The following THSD7A variants were observed in gnomAD, a reference collection of about 807,000 sequenced individuals.
THSD7A encodes the protein thrombospondin type 1 domain containing 7A, also known as thrombospondin type-1 domain-containing protein 7A.
Under a neutral mutation model 231.3 loss-of-function variants are expected in THSD7A, and 96 were observed. The observed-to-expected ratio is 0.41, with a 90% CI of 0.35 to 0.49. THSD7A has a LOEUF of 0.49. Among genes scored for constraint, THSD7A ranks in the 20% least tolerant of loss-of-function variants. THSD7A has a pLI of 0.05. For missense variants in THSD7A, 2,290 were observed against 2,070.2 expected, an observed-to-expected ratio of 1.11 and a Z score of -2.06; for synonymous variants, 940 against 743.3, an observed-to-expected ratio of 1.26 and a Z score of -4.30.
In THSD7A at chr7:11,544,915, G is replaced by A. The variant is rs1264392105; in HGVS notation, c.1454-1798C>T. 2.0e-5 allele frequency among the ~76,000 whole-genome samples: 3 copies of A among 151,314 alleles called. No homozygotes were observed. The East Asian group carries it at 5.9e-4, about 30-fold the overall frequency. On this transcript the variant is annotated intron_variant, in intron 4 of 27. Transcript: ENST00000423059. The stretch of plus-strand genomic sequence containing the variant: ...GAGCATTCTCACTCGAGTTCAACAG[G>A]ATTGCTGTTTATGTGCATCACAACA...
At chr7:11,418,079 A>C (rs1430026372) in intron 16 of THSD7A, among the ~76,000 whole-genome samples, 5 of 152,216 alleles carry the variant, frequency 3.3e-5, no homozygotes, top group African/African-American at 1.2e-4. Flanking sequence ...ATGAGAGACC[A>C]GGCACACTGA....
intron 11 of THSD7A, among the ~76,000 whole-genome samples, chr7:11,447,851 A>G (rs1785023251): frequency 1.3e-5 from 2 of 152,116 alleles, no homozygotes; most frequent in Non-Finnish European, 2.9e-5. Context: ...ATATTGTTTT[A>G]TATCATTGGA....
chr7:11,676,656 A>G (rs1180674788), intron 1 of THSD7A, among the ~76,000 whole-genome samples: 1 of 152,166 alleles, frequency 6.6e-6, no homozygotes, highest in Non-Finnish European at 1.5e-5. Context: ...ATCAAGTGGA[A>G]GAAAGGATAT....
intron 1 of THSD7A, among the ~76,000 whole-genome samples, chr7:11,727,124 T>C (rs943058948): frequency 6.6e-6 from 1 of 151,998 alleles, no homozygotes; most frequent in African/African-American, 2.4e-5. Context: ...CCAGTGAAAA[T>C]GTAGGCTGTC....
chr7:11,809,707 G>A (rs1017098323), intron 1 of THSD7A, among the ~76,000 whole-genome samples: 2 of 152,068 alleles, frequency 1.3e-5, no homozygotes, highest in Non-Finnish European at 2.9e-5. Context: ...AGTAATTTTG[G>A]AACTAGCTTA....
At position 11,446,642 on chromosome 7, in the gene THSD7A, A is replaced by G. The variant is rs1212126714; in HGVS notation, c.2801-318T>C. Among the ~76,000 whole-genome samples, 1 of 152,070 alleles carries G rather than the reference A, an allele frequency of 6.6e-6. No homozygotes were observed. The highest frequency in any genetic ancestry group is 1.9e-4 in the East Asian group (1 of 5,170). ...GTGTTATATAGTTTCGACAGTCTTCATTACATAGGTGGTTCATTTTTTAAC... is the reference window on the plus strand; with the variant it reads ...GTGTTATATAGTTTCGACAGTCTTCGTTACATAGGTGGTTCATTTTTTAAC... On this transcript the variant is annotated intron_variant, in intron 12 of 27. Transcript: ENST00000423059. This position sits in a 1 kb window ranked among gnomAD's most constrained non-coding sequence, Gnocchi z 4.0.
chr7:11,466,057 T>C (rs1210917381), intron 9 of THSD7A, among the ~76,000 whole-genome samples: 1 of 152,172 alleles, frequency 6.6e-6, no homozygotes, highest in Admixed American at 6.6e-5. Context: ...ACAACTCTTT[T>C]AGTTCTTCCT....
At chr7:11,681,716 C>T (rs184531182) in intron 1 of THSD7A, among the ~76,000 whole-genome samples, 1 of 151,954 alleles carries the variant, frequency 6.6e-6, no homozygotes, top group African/African-American at 2.4e-5. Flanking sequence ...AAAAATTTCC[C>T]AACCTCACTA....
At chr7:11,769,147 A>ATTTTTTTTT (rs1562541356) in intron 1 of THSD7A, among the ~76,000 whole-genome samples, 1 of 35,654 alleles carries the variant, frequency 2.8e-5, no homozygotes, top group African/African-American at 8.6e-5. Context: ...ATATATATAT[A>ATTTTTTTTT]TATATATTTT....
intron 2 of THSD7A, among the ~76,000 whole-genome samples, chr7:11,602,167 T>C (rs1221083800): frequency 6.6e-6 from 1 of 152,164 alleles, no homozygotes; most frequent in Non-Finnish European, 1.5e-5. Flanking sequence ...AAACCAGATA[T>C]ATTTTTCTAA....
chr7:11,535,111 A>G (rs931374799), intron 6 of THSD7A, among the ~76,000 whole-genome samples: 38 of 152,198 alleles, frequency 2.5e-4, no homozygotes, highest in African/African-American at 9.2e-4. Context: ...TTGTATCACT[A>G]AGTGGTAAAT....
At chr7:11,671,229 C>T (rs1166939162) in intron 1 of THSD7A, among the ~76,000 whole-genome samples, 3 of 152,248 alleles carry the variant, frequency 2.0e-5, no homozygotes, top group African/African-American at 7.2e-5. Flanking sequence ...GAGATGGAAA[C>T]CTAATGGCCA....
intron 19 of THSD7A, among the ~76,000 whole-genome samples, chr7:11,409,927 A>AGAT (rs1237029280): frequency 6.6e-6 from 1 of 152,096 alleles, no homozygotes; most frequent in Non-Finnish European, 1.5e-5. Context: ...TTTTTAGTAG[A>AGAT]GATGGGGTTT....
intron 3 of THSD7A, among the ~76,000 whole-genome samples, chr7:11,591,195 G>T (rs1780151393): frequency 2.2e-5 from 3 of 139,376 alleles, no homozygotes; most frequent in Non-Finnish European, 4.5e-5. Flanking sequence ...CATTCCTAAT[G>T]AGTGCGGATG....
chr7:11,421,411 G>A (rs1265322235), intron 16 of THSD7A, among the ~76,000 whole-genome samples: 1 of 151,784 alleles, frequency 6.6e-6, no homozygotes, highest in African/African-American at 2.4e-5. Flanking sequence ...TGTCATGATT[G>A]TAAGTTTCCT....
In THSD7A at chr7:11,541,489, G is replaced by A. The variant is rs762975888; in HGVS notation, c.1752C>T (p.Cys584=). The change falls in exon 6 of 28, where the codon TGC becomes TGT. Residue 584 remains cysteine, a synonymous_variant. Coordinates refer to ENST00000423059, the MANE Select transcript of THSD7A (RefSeq NM_015204.3). ...YDWKAVRLGN[C]EPDNGKECGP... is the part of the protein sequence containing the mutation. ...CACACTCCTTTCCGTTATCTGGCTC[G>A]CAGTTTCCCAGTCTCACTGCTTTCC... The A allele has an allele frequency of 2.3e-5, 37 of 1,613,696 alleles. No homozygotes were observed. Among genetic ancestry groups the A allele is most frequent in the Non-Finnish European group, 3.1e-5 (36 of 1,179,852 alleles).
intron 1 of THSD7A, among the ~76,000 whole-genome samples, chr7:11,745,939 G>C (rs1782285087): frequency 6.6e-6 from 1 of 150,672 alleles, no homozygotes; most frequent in African/African-American, 2.4e-5. Flanking sequence ...CTCTTTTTTG[G>C]TTCCATATGA....
At position 11,397,548 on chromosome 7, in the gene THSD7A, A is replaced by G. The variant is rs1049448362; in HGVS notation, c.4411+4247T>C. ...ACCAAAAGCAATGGCCACAAAAGCC[A>G]AAATTGACAAACGGGATCTAATTAA... On this transcript the variant is annotated intron_variant, in intron 23 of 27. Transcript: ENST00000423059. Among the ~76,000 whole-genome samples the G allele has an allele frequency of 2.0e-5, 3 of 152,250 alleles. No individual in the cohort carries two copies. In the South Asian group the frequency reaches 6.2e-4, roughly 31 times the overall value.
intron 1 of THSD7A, among the ~76,000 whole-genome samples, chr7:11,713,933 T>C (rs1452402672): frequency 6.6e-6 from 1 of 151,278 alleles, no homozygotes; most frequent in East Asian, 2.0e-4. Context: ...GACAGTTCTT[T>C]AAAAATAACA....
Sources: allele counts gnomAD v4.1 joint callset (sites outside exome capture counted in the v4.1 genomes callset), GRCh38; gene constraint gnomAD v4.1.1; non-coding constraint Gnocchi (gnomAD v3.1); transcripts MANE v1.5; gene names NCBI Gene and HGNC (gene_info 2026-07-23, HGNC 2026-07-21).